The following JAK2 variants were observed in gnomAD, a reference collection of about 807,000 sequenced individuals.
The protein encoded by JAK2 is Janus kinase 2.
In JAK2, 86 loss-of-function variants were observed where a neutral mutation model predicts 139.3. That is an observed-to-expected ratio of 0.62 (90% CI 0.52 to 0.74). The LOEUF (loss-of-function observed/expected upper bound fraction) is 0.74, where lower values mean the gene tolerates loss of function less well. Ranked by LOEUF, JAK2 falls within the 30% of genes least tolerant of loss-of-function variation. The pLI, the probability that JAK2 is intolerant of heterozygous loss-of-function variation, is 0.00. For missense variants in JAK2, 1,421 were observed against 1,360.3 expected (o/e 1.04, Z -0.70); for synonymous variants, 490 against 437.7 (o/e 1.12, Z -1.49).
chr9:5,116,391 T>C (rs1823176945), intron 22 of JAK2, among the ~76,000 whole-genome samples: 1 of 152,236 alleles, frequency 6.6e-6, no homozygotes, highest in African/African-American at 2.4e-5. Context: ...TTTGAGGAAA[T>C]GTCGTCATGA....
At chr9:5,062,507 A>AAG in intron 8 of JAK2, among the ~76,000 whole-genome samples, 1 of 98,342 alleles carries the variant, frequency 1.0e-5, no homozygotes, top group Admixed American at 1.0e-4. Context: ...TTGTAAAAAA[A>AAG]AAAAAAAAAA....
chr9:5,121,020 G>T (rs921933168), intron 22 of JAK2, among the ~76,000 whole-genome samples: 1 of 152,150 alleles, frequency 6.6e-6, no homozygotes, highest in African/African-American at 2.4e-5. Context: ...ATAGGTGGAT[G>T]ATACTATCTA....
At chr9:5,035,272 A>C (rs1823494524) in intron 4 of JAK2, among the ~76,000 whole-genome samples, 1 of 152,376 alleles carries the variant, frequency 6.6e-6, no homozygotes, top group Admixed American at 6.5e-5. Flanking sequence ...GTCCAGGACC[A>C]GATGGATTCA....
chr9:5,054,139 A>G lies in JAK2; in HGVS notation c.615-424A>G, dbSNP rs1215446315. 6.6e-6 allele frequency among the ~76,000 whole-genome samples: 1 copy of G among 152,098 alleles called. No homozygotes were observed. Among genetic ancestry groups the G allele is most frequent in the Non-Finnish European group, 1.5e-5 (1 of 67,928 alleles). On this transcript the variant is annotated intron_variant, in intron 6 of 24. Transcript: ENST00000381652. The surrounding 1 kb of genome is among the most constrained non-coding windows in gnomAD (Gnocchi z 4.9). ...AAATGGCTTCCAACAAAATGTAACA[A>G]TTTCCAAAATTCAGGTAAATGTTGG...
chr9:5,077,594 C>T lies in JAK2; in HGVS notation c.1992+14C>T, dbSNP rs954527395. ...ATGCATTTTCTAGTAAGTAGTACAACCTTTTTATCAAAAGATACTATTTTA... is the reference window on the plus strand; with the variant it reads ...ATGCATTTTCTAGTAAGTAGTACAATCTTTTTATCAAAAGATACTATTTTA... On this transcript the variant is annotated intron_variant, in intron 15 of 24. Coordinates refer to ENST00000381652, the MANE Select transcript of JAK2 (RefSeq NM_004972.4). 6.9e-7 allele frequency: 1 copy of T among 1,446,140 alleles called. No homozygotes were observed. Among genetic ancestry groups the T allele is most frequent in the Non-Finnish European group, 9.1e-7 (1 of 1,093,176 alleles). The allele number at this position is 1,446,140 out of a possible 1,614,324, so 89.6% of individuals were successfully genotyped here.
chr9:5,063,806 T>C (rs1398342498), intron 8 of JAK2, among the ~76,000 whole-genome samples: 1 of 152,234 alleles, frequency 6.6e-6, no homozygotes, highest in Non-Finnish European at 1.5e-5. Flanking sequence ...CGTCTATATA[T>C]TTTCCCATGT....
chr9:5,067,673 A>G (rs1238333409), intron 10 of JAK2, among the ~76,000 whole-genome samples: 1 of 151,984 alleles, frequency 6.6e-6, no homozygotes, highest in African/African-American at 2.4e-5. Context: ...TATATATTTT[A>G]TGTTCACTGT....
chr9:5,064,351 G>C (rs1363058500), intron 8 of JAK2, among the ~76,000 whole-genome samples: 1 of 152,012 alleles, frequency 6.6e-6, no homozygotes, highest in African/African-American at 2.4e-5. Context: ...CCAACATGGC[G>C]AGAACCTGTC....
At chr9:5,069,594 C>G (rs1005066551) in intron 11 of JAK2, among the ~76,000 whole-genome samples, 1 of 151,954 alleles carries the variant, frequency 6.6e-6, no homozygotes, top group African/African-American at 2.4e-5. Context: ...ATGAGCCTTA[C>G]TATTAAAAAT....
intron 4 of JAK2, among the ~76,000 whole-genome samples, chr9:5,038,067 A>C (rs904995661): frequency 6.6e-6 from 1 of 152,180 alleles, no homozygotes; most frequent in African/African-American, 2.4e-5. Context: ...TCTTATAACT[A>C]GTGATGCTGA....
chr9:5,014,300 A>G (rs1480098191), intron 2 of JAK2, among the ~76,000 whole-genome samples: 1 of 151,420 alleles, frequency 6.6e-6, no homozygotes, highest in East Asian at 1.9e-4. Context: ...CACTGTACCC[A>G]GCCTCTTATT....
In JAK2 at chr9:4,990,365, A is replaced by T. The variant is rs753890834; in HGVS notation, c.-26+4343A>T. On this transcript the variant is annotated intron_variant, in intron 2 of 24. Coordinates refer to ENST00000381652, the MANE Select transcript of JAK2 (RefSeq NM_004972.4). ...TTGATTAATGGCAGTTACTAACAAA[A>T]ATAGTTATGGCAGTGTTAGTAGCTG... is the stretch of plus-strand genomic sequence containing the variant. 1.3e-4 allele frequency among the ~76,000 whole-genome samples: 20 copies of T among 152,316 alleles called. No individual in the cohort carries two copies. The South Asian group carries it at 1.9e-3, about 14-fold the overall frequency.
intron 2 of JAK2, among the ~76,000 whole-genome samples, chr9:4,998,254 G>T (rs1374283897): frequency 6.6e-6 from 1 of 151,944 alleles, no homozygotes; most frequent in African/African-American, 2.4e-5. Flanking sequence ...AACTCCAACG[G>T]GTTTTTTTGT....
chr9:5,057,938 GA>G (rs1817882844), intron 8 of JAK2, among the ~76,000 whole-genome samples: 1 of 152,054 alleles, frequency 6.6e-6, no homozygotes, highest in African/African-American at 2.4e-5. Context: ...AAAGCAGGCT[GA>G]AACAATACTG....
chr9:4,998,734 C>CA (rs1228946841), intron 2 of JAK2, among the ~76,000 whole-genome samples: 4 of 134,938 alleles, frequency 3.0e-5, no homozygotes, highest in Admixed American at 1.5e-4. Flanking sequence ...CCAAAAACCA[C>CA]AAAAAACAAA....
At chr9:5,007,964 A>C (rs1259030741) in intron 2 of JAK2, among the ~76,000 whole-genome samples, 1 of 152,070 alleles carries the variant, frequency 6.6e-6, no homozygotes, top group South Asian at 2.1e-4. Context: ...CCTGACCTCA[A>C]ATGATCCCCC....
At chr9:5,003,381 G>C (rs1384645811) in intron 2 of JAK2, among the ~76,000 whole-genome samples, 2 of 151,822 alleles carry the variant, frequency 1.3e-5, no homozygotes, top group Non-Finnish European at 2.9e-5. Flanking sequence ...TATTTAGCTA[G>C]CATTTATTTT....
rs566821367 is a variant in JAK2 at position 5,096,473 on chromosome 9, C to G, written c.3059+5562C>G. On this transcript the variant is annotated intron_variant, in intron 22 of 24. Coordinates refer to ENST00000381652, the MANE Select transcript of JAK2 (RefSeq NM_004972.4). Reference sequence around the variant, plus strand: ...ACAGCTAAATACCCTAATCAACTGGCTTCAATCTACTTCTCCCTCCATGTG... The same window carrying G: ...ACAGCTAAATACCCTAATCAACTGGGTTCAATCTACTTCTCCCTCCATGTG... Among the ~76,000 whole-genome samples the G allele has an allele frequency of 1.2e-4, 18 of 152,274 alleles. 1 individual carries two copies. The highest frequency in any genetic ancestry group is 4.1e-4 in the African/African-American group (17 of 41,562).
At chr9:5,052,748 G>A (rs1817509804) in intron 6 of JAK2, among the ~76,000 whole-genome samples, 1 of 152,030 alleles carries the variant, frequency 6.6e-6, no homozygotes, top group Non-Finnish European at 1.5e-5. Flanking sequence ...AAAATGTGGT[G>A]TGGCATTTTT....
Sources: gnomAD v4.1 joint callset for allele counts (sites outside exome capture counted in the v4.1 genomes callset) on GRCh38, gnomAD v4.1.1 for gene constraint, Gnocchi (gnomAD v3.1) non-coding constraint, MANE v1.5 for transcripts, NCBI Gene and HGNC (gene_info 2026-07-23, HGNC 2026-07-21) for gene names.